SLC2A12: variants seen among roughly 807,000 people sequenced by gnomAD.
The protein encoded by SLC2A12 is solute carrier family 2 member 12, also known as solute carrier family 2, facilitated glucose transporter member 12.
A neutral mutation model predicts 41.8 loss-of-function variants in SLC2A12; 23 were observed. That is an observed-to-expected ratio of 0.55 (90% CI 0.40 to 0.78). The LOEUF (loss-of-function observed/expected upper bound fraction) is 0.78. Ranked by LOEUF, SLC2A12 falls within the 30% of genes least tolerant of loss-of-function variation. The pLI is 0.00. For missense variants in SLC2A12, 654 were observed against 745.6 expected (o/e 0.88, Z 1.43); for synonymous variants, 295 against 285.9 (o/e 1.03, Z -0.32).
At chr6:134,003,541 T>G (rs1219028298) in intron 3 of SLC2A12, among the ~76,000 whole-genome samples, 1 of 152,206 alleles carries the variant, frequency 6.6e-6, no homozygotes, top group Non-Finnish European at 1.5e-5. Flanking sequence ...TCAGAGGCTG[T>G]GCTTTGTCCT....
At chr6:134,025,871 A>G (rs1777106255) in intron 2 of SLC2A12, among the ~76,000 whole-genome samples, 1 of 152,208 alleles carries the variant, frequency 6.6e-6, no homozygotes, top group African/African-American at 2.4e-5. Context: ...CTAAAATCAA[A>G]TTTGGTTTTC....
Position 134,029,222 on chromosome 6 carries a change from A to G in SLC2A12, c.603T>C (p.Gly201=), listed in dbSNP as rs761107180. 1.2e-5 allele frequency: 20 copies of G among 1,614,198 alleles called. No homozygotes were observed. The South Asian group carries it at 2.1e-4, about 17-fold the overall frequency. Residue 201 remains glycine (G), a synonymous_variant, in exon 2 of 5, where the codon GGT becomes GGC. Coordinates refer to ENST00000275230, the MANE Select transcript of SLC2A12 (RefSeq NM_145176.3). ...GCAAAACTCCCAAGGGAATCACAAGACCAAACATGTACTTCCAGCCATGGA... is the reference window on the plus strand; with the variant it reads ...GCAAAACTCCCAAGGGAATCACAAGGCCAAACATGTACTTCCAGCCATGGA... ...NVFHGWKYMF[G]LVIPLGVLQA...
intron 2 of SLC2A12, among the ~76,000 whole-genome samples, chr6:134,026,522 T>C (rs1777113816): frequency 6.6e-6 from 1 of 152,224 alleles, no homozygotes; most frequent in African/African-American, 2.4e-5. Flanking sequence ...GCTTAAAGTG[T>C]CATAGTAGCC....
At chr6:134,003,352 T>G (rs985679531) in intron 3 of SLC2A12, among the ~76,000 whole-genome samples, 2 of 152,188 alleles carry the variant, frequency 1.3e-5, no homozygotes, top group Non-Finnish European at 2.9e-5. Context: ...TCTCTGGAGC[T>G]TAAAACCAGA....
At chr6:134,007,624 C>T (rs1158719792) in intron 2 of SLC2A12, among the ~76,000 whole-genome samples, 1 of 152,148 alleles carries the variant, frequency 6.6e-6, no homozygotes, top group Non-Finnish European at 1.5e-5. Context: ...TGACAGGGAA[C>T]ATTATGGGGC....
chr6:133,996,616 G>T (rs1012471389), intron 4 of SLC2A12, among the ~76,000 whole-genome samples: 5 of 152,190 alleles, frequency 3.3e-5, no homozygotes, highest in Admixed American at 2.0e-4. Flanking sequence ...CTTAGAAATA[G>T]ACATTGGGAT....
intron 1 of SLC2A12, among the ~76,000 whole-genome samples, chr6:134,049,333 G>A (rs1773640818): frequency 6.6e-6 from 1 of 152,214 alleles, no homozygotes; most frequent in Admixed American, 6.5e-5. Context: ...CCTTTGGACA[G>A]TTGGGGGTGA....
At position 134,008,482 on chromosome 6, in the gene SLC2A12, G is replaced by A. The variant is rs117247368; in HGVS notation, c.1445-1548C>T. 2.9e-3 allele frequency among the ~76,000 whole-genome samples: 438 copies of A among 152,194 alleles called. 1 individual carries two copies. Among genetic ancestry groups the A allele is most frequent in the Non-Finnish European group, 4.8e-3 (328 of 68,014 alleles). On this transcript the variant is annotated intron_variant, in intron 2 of 4. Transcript: ENST00000275230. ...ATGGGGAATTCAAAACTAGGAAACC[G>A]CATGTCTGCCACACTCTCACCTCAC...
rs1776571871 is a variant in SLC2A12, at chr6:133,988,597, A to T, written c.*2558T>A. ...GGCACTGCACTGAACAACACATATT[A>T]TTTTTATCTTTTTTCTTCTCAATGC... On this transcript the variant is annotated 3_prime_UTR_variant, in exon 5 of 5. Transcript: ENST00000275230. The T allele has an allele frequency of 6.6e-6, 1 of 152,120 alleles. No individual in the cohort carries two copies. The allele number at this position is 152,120 out of a possible 1,614,324, so 9.4% of individuals were successfully genotyped here. A position where few individuals can be genotyped will look rare whatever the true frequency, so the allele number is the denominator to read the frequency against.
intron 2 of SLC2A12, among the ~76,000 whole-genome samples, chr6:134,025,798 C>T (rs1440732682): frequency 6.6e-6 from 1 of 152,208 alleles, no homozygotes; most frequent in Admixed American, 6.5e-5. Context: ...CCACCAGCCT[C>T]GGCCTCCCAA....
At chr6:134,000,468 C>G (rs559643792) in intron 4 of SLC2A12, among the ~76,000 whole-genome samples, 8 of 152,308 alleles carry the variant, frequency 5.3e-5, no homozygotes, top group Non-Finnish European at 1.0e-4. Flanking sequence ...TGAAGAATCG[C>G]TATGCCCACA....
chr6:134,032,447 T>TATATATATATATATATAA (rs1162366373), intron 1 of SLC2A12, among the ~76,000 whole-genome samples: 4 of 33,472 alleles, frequency 1.2e-4, no homozygotes, highest in African/African-American at 5.0e-4. Context: ...TATATATATA[T>TATATATATATATATATAA]AAATATATAT....
rs535576836 is a variant in SLC2A12 at position 134,011,327 on chromosome 6, A to G, written c.1445-4393T>C. On this transcript the variant is annotated intron_variant, in intron 2 of 4. Coordinates refer to ENST00000275230, the MANE Select transcript of SLC2A12 (RefSeq NM_145176.3). ...CCAAGTGGAAAAATTGGGTTCTTTA[A>G]AAATAAGTATACGACCAGGTGTGAT... Among the ~76,000 whole-genome samples the G allele has an allele frequency of 1.2e-4, 18 of 152,232 alleles. 1 individual carries two copies. The South Asian group carries it at 2.7e-3, about 23-fold the overall frequency.
At chr6:134,013,155 G>T (rs1160626976) in intron 2 of SLC2A12, among the ~76,000 whole-genome samples, 1 of 152,222 alleles carries the variant, frequency 6.6e-6, no homozygotes, top group Middle Eastern at 3.4e-3. Context: ...GCCGGGCATG[G>T]TGGCTCATGC....
chr6:134,032,426 T>TTTA (rs1416304432), intron 1 of SLC2A12, among the ~76,000 whole-genome samples: 488 of 35,412 alleles, frequency 0.014, 7 homozygotes, highest in African/African-American at 0.036. Context: ...ATATATATAT[T>TTTA]TATATATATA....
intron 1 of SLC2A12, among the ~76,000 whole-genome samples, chr6:134,039,989 T>C (rs1490533646): frequency 1.3e-5 from 2 of 151,918 alleles, no homozygotes; most frequent in Non-Finnish European, 2.9e-5. Flanking sequence ...CTGAATAACC[T>C]GCAGAATGGT....
intron 2 of SLC2A12, among the ~76,000 whole-genome samples, chr6:134,012,096 C>T (rs984195467): frequency 2.6e-5 from 4 of 152,196 alleles, no homozygotes; most frequent in Admixed American, 6.5e-5. Flanking sequence ...GCATCCCCAA[C>T]ATTGGCAGTG....
intron 1 of SLC2A12, among the ~76,000 whole-genome samples, chr6:134,042,770 G>A (rs927417823): frequency 2.6e-5 from 4 of 152,026 alleles, no homozygotes; most frequent in Non-Finnish European, 1.5e-5. Context: ...TCTGAGACCA[G>A]CCTGAGCAAC....
chr6:134,037,314 C>T (rs999250298), intron 1 of SLC2A12, among the ~76,000 whole-genome samples: 7 of 151,112 alleles, frequency 4.6e-5, no homozygotes, highest in African/African-American at 1.7e-4. Flanking sequence ...TCCAATATCC[C>T]CTCCTCCATA....
Sources: allele counts gnomAD v4.1 joint callset (sites outside exome capture counted in the v4.1 genomes callset), GRCh38; gene constraint gnomAD v4.1.1; transcripts MANE v1.5; gene names NCBI Gene and HGNC (gene_info 2026-07-23, HGNC 2026-07-21).